Variants in GRM1 observed in about 807,000 individuals in gnomAD.
The protein encoded by GRM1 is glutamate metabotropic receptor 1, also known as metabotropic glutamate receptor 1.
Under a neutral mutation model 90.9 loss-of-function variants are expected in GRM1, and 33 were observed. The ratio of observed to expected loss-of-function variants is 0.36; its 90% CI spans 0.28 to 0.49. The LOEUF (loss-of-function observed/expected upper bound fraction) is 0.49. GRM1 is among the 20% of genes least tolerant of loss of function. The pLI, the probability that GRM1 is intolerant of heterozygous loss-of-function variation, is 0.99. For synonymous variants in GRM1, 700 were observed against 613.2 expected (o/e 1.14, Z -2.09); for missense variants, 1,190 against 1,534.3 (o/e 0.78, Z 3.75).
chr6:146,350,089 A>C (rs913480756), intron 3 of GRM1, among the ~76,000 whole-genome samples: 1 of 152,246 alleles, frequency 6.6e-6, no homozygotes, highest in Admixed American at 6.5e-5. Flanking sequence ...AATGAGGATC[A>C]AAAGGAAAAG....
intron 7 of GRM1, among the ~76,000 whole-genome samples, chr6:146,405,275 C>T (rs61295686): frequency 0.016 from 2,407 of 152,056 alleles, 81 homozygotes; most frequent in African/African-American, 0.055. Context: ...TTAAAGTGCC[C>T]AAGAGGGTGG....
intron 5 of GRM1, among the ~76,000 whole-genome samples, chr6:146,373,380 T>A (rs1775974934): frequency 6.6e-6 from 1 of 152,136 alleles, no homozygotes; most frequent in Admixed American, 6.6e-5. Context: ...CAGGCGCACC[T>A]GAACATGGCT....
chr6:146,340,251 T>C (rs939819275), intron 3 of GRM1, among the ~76,000 whole-genome samples: 4 of 152,318 alleles, frequency 2.6e-5, no homozygotes, highest in African/African-American at 9.6e-5. Context: ...TTTTCCCTGG[T>C]TTTTCTTTCT....
chr6:146,327,832 T>C (rs1488045198), intron 3 of GRM1, among the ~76,000 whole-genome samples: 1 of 152,178 alleles, frequency 6.6e-6, no homozygotes, highest in Non-Finnish European at 1.5e-5. Flanking sequence ...CCCTAGTTTC[T>C]TCTTTGATGC....
chr6:146,144,050 A>G (rs1776997920), intron 1 of GRM1, among the ~76,000 whole-genome samples: 1 of 152,230 alleles, frequency 6.6e-6, no homozygotes, highest in African/African-American at 2.4e-5. Flanking sequence ...GGAGGCTTAA[A>G]CCATAGAAAT....
chr6:146,070,436 G>A (rs1775985604), intron 1 of GRM1, among the ~76,000 whole-genome samples: 1 of 152,108 alleles, frequency 6.6e-6, no homozygotes, highest in Admixed American at 6.6e-5. Context: ...TAAGAGATAT[G>A]ACCAGACTTG....
chr6:146,361,292 C>T (rs1775459238), intron 5 of GRM1, among the ~76,000 whole-genome samples: 1 of 152,160 alleles, frequency 6.6e-6, no homozygotes. Flanking sequence ...ACTGCAGTAG[C>T]AGTCATAACA....
chr6:146,209,981 T>C (rs758444309), intron 2 of GRM1, among the ~76,000 whole-genome samples: 9 of 152,188 alleles, frequency 5.9e-5, no homozygotes, highest in Non-Finnish European at 1.2e-4. Context: ...GCATTTCTAC[T>C]TTGCACATGG....
rs560235347 is a variant in GRM1 at position 146,366,583 on chromosome 6, A to G, written c.1602+8889A>G. Among the ~76,000 whole-genome samples, 5 of 152,286 alleles carry G rather than the reference A, an allele frequency of 3.3e-5. No homozygotes were observed. In the East Asian group the frequency reaches 9.6e-4, roughly 29 times the overall value. On this transcript the variant is annotated intron_variant, in intron 5 of 7. Transcript: ENST00000282753. ...CTTTTAAAACTCCCACATATGAGTA[A>G]GAACATGCAACATATTTCTTTCTGT... is the stretch of plus-strand genomic sequence containing the variant.
chr6:146,118,140 CT>C (rs67033918), intron 1 of GRM1, among the ~76,000 whole-genome samples: 142 of 115,436 alleles, frequency 1.2e-3, no homozygotes, highest in Middle Eastern at 5.4e-3. Flanking sequence ...TTCTTCTTTT[CT>C]TTTTTTTTTT....
At chr6:146,332,296 C>CT (rs1426151823) in intron 3 of GRM1, among the ~76,000 whole-genome samples, 1 of 152,134 alleles carries the variant, frequency 6.6e-6, no homozygotes, top group Non-Finnish European at 1.5e-5. Flanking sequence ...TCCATTGAGT[C>CT]TTGTTTAGCA....
At chr6:146,152,589 G>A (rs1367430974) in intron 1 of GRM1, among the ~76,000 whole-genome samples, 1 of 151,928 alleles carries the variant, frequency 6.6e-6, no homozygotes, top group Admixed American at 6.6e-5. Context: ...ACTTCTTTGA[G>A]CTTCCACATC....
intron 7 of GRM1, among the ~76,000 whole-genome samples, chr6:146,433,465 C>T (rs1273275568): frequency 3.3e-5 from 5 of 151,584 alleles, no homozygotes; most frequent in Non-Finnish European, 7.4e-5. Context: ...TTTTGGTTGT[C>T]CATGTGTAAC....
intron 2 of GRM1, among the ~76,000 whole-genome samples, chr6:146,187,335 G>A (rs916496385): frequency 3.3e-5 from 5 of 152,050 alleles, no homozygotes; most frequent in South Asian, 2.1e-4. Flanking sequence ...AATGAAGACT[G>A]CATCAAGAAT....
chr6:146,082,187 AC>A (rs1324774736), intron 1 of GRM1, among the ~76,000 whole-genome samples: 1 of 152,082 alleles, frequency 6.6e-6, no homozygotes, highest in African/African-American at 2.4e-5. Context: ...ACAGAGCCTT[AC>A]ACTGTCACCC....
Position 146,080,550 on chromosome 6 carries a change from A to C in GRM1, c.700+50333A>C, listed in dbSNP as rs565935180. Among the ~76,000 whole-genome samples, 10 of 152,228 alleles carry C rather than the reference A, an allele frequency of 6.6e-5. No homozygotes were observed. The East Asian group carries it at 1.9e-3, about 30-fold the overall frequency. The stretch of plus-strand genomic sequence containing the variant: ...GTTACAAGGTAAGCAGAAGAGTAAA[A>C]GATGTTGAGGGTTCCTAAGCAAGGG... On this transcript the variant is annotated intron_variant, in intron 1 of 7. Transcript: ENST00000282753.
intron 7 of GRM1, among the ~76,000 whole-genome samples, chr6:146,432,651 T>C (rs936389725): frequency 2.0e-5 from 3 of 152,192 alleles, no homozygotes; most frequent in Non-Finnish European, 2.9e-5. Context: ...TTTTACTGAG[T>C]ACAGAGAAAA....
intron 3 of GRM1, among the ~76,000 whole-genome samples, chr6:146,323,248 C>T (rs1784268639): frequency 6.6e-6 from 1 of 152,150 alleles, no homozygotes; most frequent in Non-Finnish European, 1.5e-5. Context: ...CTCTCCAGCA[C>T]CTGTTGTTTC....
At chr6:146,315,803 A>C (rs912287729) in intron 3 of GRM1, among the ~76,000 whole-genome samples, 5 of 152,202 alleles carry the variant, frequency 3.3e-5, no homozygotes, top group Middle Eastern at 3.2e-3. Flanking sequence ...GTGGCATCTG[A>C]GATAGCTAAT....
Sources: allele counts gnomAD v4.1 joint callset (sites outside exome capture counted in the v4.1 genomes callset), GRCh38; gene constraint gnomAD v4.1.1; transcripts MANE v1.5; gene names NCBI Gene and HGNC (gene_info 2026-07-23, HGNC 2026-07-21).